MACROD2: variants seen among roughly 807,000 people sequenced by gnomAD.
MACROD2 encodes the protein mono-ADP ribosylhydrolase 2, also known as ADP-ribose glycohydrolase MACROD2.
In MACROD2, 36 loss-of-function variants were observed where a neutral mutation model predicts 70.4. The observed-to-expected ratio is 0.51, with a 90% confidence interval of 0.39 to 0.68. MACROD2 has a LOEUF of 0.68. MACROD2 is among the 30% of genes least tolerant of loss of function. The probability of loss-of-function intolerance (pLI) is 0.00; values close to 1 mark genes in which losing one functional copy is unlikely to be tolerated. For synonymous variants in MACROD2, 172 were observed against 178.8 expected (o/e 0.96, Z 0.30); for missense variants, 496 against 538.4 (o/e 0.92, Z 0.78).
At chr20:14,409,927 A>G (rs1320763485) in intron 3 of MACROD2, among the ~76,000 whole-genome samples, 2 of 152,052 alleles carry the variant, frequency 1.3e-5, no homozygotes, top group African/African-American at 4.8e-5. Context: ...CATATCTCCA[A>G]AGCATTCACC....
At chr20:15,865,859 C>G (rs1454149430) in intron 9 of MACROD2, among the ~76,000 whole-genome samples, 1 of 152,138 alleles carries the variant, frequency 6.6e-6, no homozygotes. Flanking sequence ...TCTGTATGCA[C>G]CACCCCTTAG....
intron 8 of MACROD2, among the ~76,000 whole-genome samples, chr20:15,851,284 G>A (rs1255795951): frequency 2.0e-5 from 3 of 151,818 alleles, no homozygotes; most frequent in African/African-American, 4.8e-5. Context: ...GGGCTCAGGA[G>A]TGGGGAAAGT....
intron 5 of MACROD2, among the ~76,000 whole-genome samples, chr20:14,859,771 T>C: frequency 6.6e-6 from 1 of 152,292 alleles, no homozygotes; most frequent in East Asian, 1.9e-4. Context: ...TCTGTAAATA[T>C]CATTTATGAG....
chr20:14,415,480 G>A (rs1461582244), intron 3 of MACROD2, among the ~76,000 whole-genome samples: 1 of 152,132 alleles, frequency 6.6e-6, no homozygotes, highest in East Asian at 1.9e-4. Context: ...TGAGAGAAAA[G>A]TTCTTTGTAA....
At chr20:14,268,997 A>T (rs2082167855) in intron 3 of MACROD2, among the ~76,000 whole-genome samples, 2 of 152,216 alleles carry the variant, frequency 1.3e-5, no homozygotes, top group Admixed American at 1.3e-4. Flanking sequence ...ACACACAGGG[A>T]CTTGAGCACA....
rs145985603 is a variant in MACROD2 at position 14,297,244 on chromosome 20, A to G, written c.272-196235A>G. On this transcript the variant is annotated intron_variant, in intron 3 of 17. Coordinates refer to ENST00000684519, the MANE Select transcript of MACROD2 (RefSeq NM_001351661.2). The stretch of plus-strand genomic sequence containing the variant: ...AATTAGGCCAATTAATAACCCTGCA[A>G]TGGCCTCTAGATGTTCAAATAAAAG... Among the ~76,000 whole-genome samples, 760 of 151,840 alleles carry G rather than the reference A, an allele frequency of 5.0e-3. 6 individuals carry two copies. Among genetic ancestry groups the G allele is most frequent in the East Asian group, 9.7e-3 (50 of 5,178 alleles).
intron 12 of MACROD2, among the ~76,000 whole-genome samples, chr20:15,955,858 A>G (rs967372624): frequency 6.6e-6 from 1 of 152,212 alleles, no homozygotes; most frequent in East Asian, 1.9e-4. Context: ...ACTGGGCTTA[A>G]TACCAGGGTA....
rs188057600 is a variant in MACROD2 at position 15,019,992 on chromosome 20, G to A, written c.419-209948G>A. On this transcript the variant is annotated intron_variant, in intron 5 of 17. Coordinates refer to ENST00000684519, the MANE Select transcript of MACROD2 (RefSeq NM_001351661.2). Reference sequence around the variant, plus strand: ...AAAGGATGAAATCATTTTTGGGTGGGTAACATTTTGCTTAATTGTTGTTCA... The same window carrying A: ...AAAGGATGAAATCATTTTTGGGTGGATAACATTTTGCTTAATTGTTGTTCA... Among the ~76,000 whole-genome samples the A allele has an allele frequency of 5.1e-4, 78 of 152,190 alleles. No homozygotes were observed. The East Asian group carries it at 9.6e-3, about 19-fold the overall frequency.
At chr20:15,504,128 G>A (rs1254660122) in intron 8 of MACROD2, among the ~76,000 whole-genome samples, 1 of 152,118 alleles carries the variant, frequency 6.6e-6, no homozygotes, top group Non-Finnish European at 1.5e-5. Context: ...ACCGCCAGCT[G>A]GTGTAGCTGG....
At chr20:14,025,076 C>T (rs1408022732) in intron 2 of MACROD2, among the ~76,000 whole-genome samples, 2 of 152,086 alleles carry the variant, frequency 1.3e-5, no homozygotes, top group African/African-American at 2.4e-5. Flanking sequence ...AGGGATTTGA[C>T]TTCTTTCTGG....
chr20:15,873,009 A>T (rs757044180), intron 9 of MACROD2, among the ~76,000 whole-genome samples: 1 of 152,172 alleles, frequency 6.6e-6, no homozygotes, highest in Non-Finnish European at 1.5e-5. Context: ...CTTAGGAATT[A>T]TTTCTGTAAA....
intron 8 of MACROD2, among the ~76,000 whole-genome samples, chr20:15,750,533 A>C (rs1424810010): frequency 6.6e-6 from 1 of 151,490 alleles, no homozygotes; most frequent in Admixed American, 6.6e-5. Flanking sequence ...AGTTCAGTAC[A>C]TACTTCTAGC....
chr20:15,084,076 T>TC (rs1158233202), intron 5 of MACROD2, among the ~76,000 whole-genome samples: 1 of 148,356 alleles, frequency 6.7e-6, no homozygotes, highest in African/African-American at 2.5e-5. Flanking sequence ...TTTTTTGTTT[T>TC]TTTTTTTTAA....
At chr20:15,264,957 C>T (rs1450777273) in intron 6 of MACROD2, among the ~76,000 whole-genome samples, 2 of 152,100 alleles carry the variant, frequency 1.3e-5, no homozygotes, top group African/African-American at 2.4e-5. Flanking sequence ...GTTAAAAGCA[C>T]CATACTTCTG....
intron 5 of MACROD2, among the ~76,000 whole-genome samples, chr20:15,092,198 A>C (rs998355156): frequency 1.3e-5 from 2 of 152,110 alleles, no homozygotes; most frequent in Non-Finnish European, 2.9e-5. Flanking sequence ...TGTAGAGCAA[A>C]TAGATATAAA....
At chr20:14,019,062 C>A (rs1267592877) in intron 2 of MACROD2, among the ~76,000 whole-genome samples, 67 of 152,250 alleles carry the variant, frequency 4.4e-4, no homozygotes, top group African/African-American at 1.6e-3. Flanking sequence ...AAACAGGGCA[C>A]TCCTTGCTTC....
intron 15 of MACROD2, among the ~76,000 whole-genome samples, chr20:16,033,846 A>G (rs923127208): frequency 3.4e-5 from 5 of 147,562 alleles, no homozygotes; most frequent in Non-Finnish European, 7.5e-5. Context: ...AGAACCTATC[A>G]CAGTAGGGGG....
intron 5 of MACROD2, among the ~76,000 whole-genome samples, chr20:15,228,525 G>T (rs935441177): frequency 3.3e-5 from 4 of 119,968 alleles, no homozygotes; most frequent in African/African-American, 1.3e-4. Flanking sequence ...GTCTCACTCC[G>T]TCACTAGGTT....
At chr20:14,391,935 T>G (rs1051633395) in intron 3 of MACROD2, among the ~76,000 whole-genome samples, 3 of 151,188 alleles carry the variant, frequency 2.0e-5, no homozygotes, top group African/African-American at 7.3e-5. Context: ...AATATACCCA[T>G]GTAACAGATC....
Sources: allele counts gnomAD v4.1 joint callset (sites outside exome capture counted in the v4.1 genomes callset), GRCh38; gene constraint gnomAD v4.1.1; transcripts MANE v1.5; gene names NCBI Gene and HGNC (gene_info 2026-07-23, HGNC 2026-07-21).